GPATCH2: variants seen among roughly 807,000 people sequenced by gnomAD.
The protein encoded by GPATCH2 is G-patch domain containing 2.
In GPATCH2, 51 loss-of-function variants were observed where a neutral mutation model predicts 58.0. The ratio of observed to expected loss-of-function variants is 0.88; its 90% confidence interval spans 0.70 to 1.11. The LOEUF is 1.11. Among genes scored for constraint, GPATCH2 ranks in the 50% most tolerant of loss-of-function variants. The probability of loss-of-function intolerance (pLI) is 0.00; values close to 1 mark genes in which losing one functional copy is unlikely to be tolerated. For synonymous variants in GPATCH2, 222 were observed against 218.5 expected, an observed-to-expected ratio of 1.02 and a Z score of -0.14; for missense variants, 625 against 652.2, an observed-to-expected ratio of 0.96 and a Z score of 0.45.
At chr1:217,626,381 A>G (rs994364348) in intron 1 of GPATCH2, among the ~76,000 whole-genome samples, 11 of 152,202 alleles carry the variant, frequency 7.2e-5, no homozygotes, top group Non-Finnish European at 1.5e-4. Flanking sequence ...ATACGCCTCC[A>G]TTATCATATT....
intron 9 of GPATCH2, among the ~76,000 whole-genome samples, chr1:217,435,763 T>C (rs1032981363): frequency 1.3e-5 from 2 of 152,316 alleles, no homozygotes; most frequent in Admixed American, 6.5e-5. Context: ...TTTTGATTAT[T>C]ATTATTATGA....
At chr1:217,507,153 A>G (rs945678674) in intron 6 of GPATCH2, among the ~76,000 whole-genome samples, 2 of 152,194 alleles carry the variant, frequency 1.3e-5, no homozygotes, top group African/African-American at 4.8e-5. Context: ...GGACAAATGA[A>G]TGACTTGAGA....
rs372020590 is a variant in GPATCH2 at position 217,614,787 on chromosome 1, A to T, written c.774-585T>A. ...GTCACTTTTAAGCAAAAAAAAAAAA[A>T]AAATAATATTACAAATATTAAGGAG... On this transcript the variant is annotated intron_variant, in intron 2 of 9. Coordinates refer to ENST00000366935, the MANE Select transcript of GPATCH2 (RefSeq NM_018040.5). Among the ~76,000 whole-genome samples, 1,139 of 151,636 alleles carry T rather than the reference A, an allele frequency of 7.5e-3. 11 individuals carry two copies. The highest frequency in any genetic ancestry group is 0.017 in the Middle Eastern group (5 of 294).
chr1:217,610,970 G>GCT lies in GPATCH2; in HGVS notation c.935_936dup (p.Leu313SerfsTer2). The GCT allele has an allele frequency of 6.2e-7, 1 of 1,613,098 alleles. No individual in the cohort carries two copies. Among genetic ancestry groups the GCT allele is most frequent in the South Asian group, 1.1e-5 (1 of 91,052 alleles). On this transcript the variant is annotated frameshift_variant, in exon 4 of 10. Transcript: ENST00000366935. LOFTEE classifies it high-confidence loss of function. ...ACAGGATCTGGTACATTTTTGTCTA[G>GCT]CTCAGTAGGATCTTCCTTTTCCCAC...
chr1:217,585,202 A>G (rs12023939), intron 5 of GPATCH2, among the ~76,000 whole-genome samples: 2,329 of 151,960 alleles, frequency 0.015, 77 homozygotes, highest in East Asian at 0.13. Flanking sequence ...TTTTTCTCTC[A>G]ATGAGACTCA....
At chr1:217,616,360 T>C (rs959716537) in intron 2 of GPATCH2, among the ~76,000 whole-genome samples, 17 of 152,306 alleles carry the variant, frequency 1.1e-4, no homozygotes, top group African/African-American at 3.8e-4. Flanking sequence ...TGGGCCTCCA[T>C]CTAAATTCTT....
chr1:217,613,469 T>C (rs931314398), intron 3 of GPATCH2, among the ~76,000 whole-genome samples: 1 of 152,112 alleles, frequency 6.6e-6, no homozygotes, highest in South Asian at 2.1e-4. Context: ...TCTGTATGTA[T>C]GATTTGTATG....
intron 5 of GPATCH2, among the ~76,000 whole-genome samples, chr1:217,567,859 G>A (rs148269230): frequency 0.033 from 5,050 of 152,296 alleles, 123 homozygotes; most frequent in Middle Eastern, 0.068. Context: ...GCTCACGCCT[G>A]TAATCCCAGC....
chr1:217,516,286 A>G (rs1371953865), intron 5 of GPATCH2, among the ~76,000 whole-genome samples: 1 of 152,170 alleles, frequency 6.6e-6, no homozygotes, highest in Non-Finnish European at 1.5e-5. Flanking sequence ...TGGGGGGAAA[A>G]GCATGAGACA....
At chr1:217,576,112 C>T (rs980550484) in intron 5 of GPATCH2, among the ~76,000 whole-genome samples, 1 of 152,000 alleles carries the variant, frequency 6.6e-6, no homozygotes, top group Non-Finnish European at 1.5e-5. Flanking sequence ...ACTTACATAT[C>T]CAAACTTCAA....
chr1:217,552,921 A>G (rs1022764794), intron 5 of GPATCH2, among the ~76,000 whole-genome samples: 3 of 152,186 alleles, frequency 2.0e-5, no homozygotes, highest in Non-Finnish European at 4.4e-5. Context: ...TGAAAACCTC[A>G]GAAGTCTTAC....
At chr1:217,498,700 C>A (rs1387214484) in intron 6 of GPATCH2, 1 of 479,826 alleles carries the variant, frequency 2.1e-6, no homozygotes. Flanking sequence ...GGTTATAAAA[C>A]CTACAAATGC....
At chr1:217,557,135 G>A (rs368416885) in intron 5 of GPATCH2, among the ~76,000 whole-genome samples, 13 of 152,150 alleles carry the variant, frequency 8.5e-5, no homozygotes, top group East Asian at 3.9e-4. Flanking sequence ...GGCCGGGTGC[G>A]GTGGTTCACG....
chr1:217,621,869 T>C (rs910882325), intron 1 of GPATCH2, among the ~76,000 whole-genome samples: 7 of 152,256 alleles, frequency 4.6e-5, no homozygotes, highest in African/African-American at 1.7e-4. Context: ...CATTTACTAT[T>C]TGCCAGGCTC....
intron 5 of GPATCH2, among the ~76,000 whole-genome samples, chr1:217,570,364 C>A (rs1037274669): frequency 6.6e-6 from 1 of 152,086 alleles, no homozygotes; most frequent in South Asian, 2.1e-4. Flanking sequence ...CCGCCCGCCT[C>A]GGCCTCCCAA....
intron 2 of GPATCH2, among the ~76,000 whole-genome samples, chr1:217,614,701 C>CT (rs1203482107): frequency 6.8e-6 from 1 of 147,782 alleles, no homozygotes; most frequent in Non-Finnish European, 1.5e-5. Context: ...CACAACAACT[C>CT]TATTAGTTTG....
chr1:217,523,841 CG>C (rs1281854509), intron 5 of GPATCH2, among the ~76,000 whole-genome samples: 2 of 145,644 alleles, frequency 1.4e-5, no homozygotes, highest in East Asian at 2.1e-4. Context: ...GGTGGCTGGC[CG>C]GGCGGGGGGC....
In GPATCH2 at chr1:217,619,556, T is replaced by C. The variant is rs1669077293; in HGVS notation, c.773+227A>G. Among the ~76,000 whole-genome samples the C allele has an allele frequency of 2.0e-5, 3 of 152,126 alleles. No homozygotes were observed. The South Asian group carries it at 6.2e-4, about 32-fold the overall frequency. On this transcript the variant is annotated intron_variant, in intron 2 of 9. Transcript: ENST00000366935. ...TTCCTTTCCTCCTTGTAGCTGAAAA[T>C]TGAGTCATTATAATACAATCAAAAG...
intron 5 of GPATCH2, among the ~76,000 whole-genome samples, chr1:217,598,388 G>A (rs868756399): frequency 5.3e-5 from 8 of 151,510 alleles, no homozygotes; most frequent in African/African-American, 1.5e-4. Context: ...ATTCTGTCAC[G>A]AAAACAAAAC....
Sources: allele counts gnomAD v4.1 joint callset (sites outside exome capture counted in the v4.1 genomes callset), GRCh38; gene constraint gnomAD v4.1.1; transcripts MANE v1.5; gene names NCBI Gene and HGNC (gene_info 2026-07-23, HGNC 2026-07-21).